The following PRKN variants were observed in gnomAD, a reference collection of about 807,000 sequenced individuals.
PRKN encodes the protein E3 ubiquitin-protein ligase parkin.
PRKN carries 56 observed loss-of-function variants against 59.5 expected under a neutral mutation model. That is an observed-to-expected ratio of 0.94 (90% CI 0.76 to 1.18). The LOEUF is 1.18. PRKN is among the 50% of genes most tolerant of loss of function. The pLI is 0.00. For missense variants in PRKN, 657 were observed against 596.4 expected (o/e 1.10, Z -1.06); for synonymous variants, 250 against 222.1 (o/e 1.13, Z -1.12).
rs7758341 is a variant in PRKN at position 161,503,608 on chromosome 6, C to T, written c.1083+45246G>A. Among the ~76,000 whole-genome samples the T allele has an allele frequency of 0.081, 12,330 of 152,128 alleles. 729 individuals are homozygous for T. Among genetic ancestry groups the T allele is most frequent in the African/African-American group, 0.16 (6,671 of 41,472 alleles). ...GACTGGACTGAGGGGGCTATGGGGG[C>T]GACCTAGTCTAGCTGGGTTCTAAGG... On this transcript the variant is annotated intron_variant, in intron 9 of 11. Coordinates refer to ENST00000366898, the MANE Select transcript of PRKN (RefSeq NM_004562.3). The surrounding 1 kb of genome is among the most constrained non-coding windows in gnomAD (Gnocchi z 5.1).
chr6:161,703,982 C>T (rs937020522), intron 7 of PRKN, among the ~76,000 whole-genome samples: 2 of 150,886 alleles, frequency 1.3e-5, no homozygotes, highest in African/African-American at 2.4e-5. Context: ...CAGCCTCCCA[C>T]GAATCTAGGA....
intron 5 of PRKN, among the ~76,000 whole-genome samples, chr6:162,019,318 G>C (rs1442107646): frequency 6.6e-6 from 1 of 152,134 alleles, no homozygotes; most frequent in East Asian, 1.9e-4. Flanking sequence ...ATAGCTGTTA[G>C]AGTGTCATTA....
chr6:162,019,822 C>T (rs1783066130), intron 5 of PRKN, among the ~76,000 whole-genome samples: 1 of 152,184 alleles, frequency 6.6e-6, no homozygotes. Flanking sequence ...AGCTCGAGAC[C>T]AGCCTGGCCA....
At chr6:162,377,818 C>A (rs1220047264) in intron 2 of PRKN, among the ~76,000 whole-genome samples, 2 of 152,150 alleles carry the variant, frequency 1.3e-5, no homozygotes, top group Admixed American at 1.3e-4. Flanking sequence ...TAGAGTTGAC[C>A]ATTGGAGCTT....
At chr6:162,218,846 T>A (rs551318200) in intron 3 of PRKN, among the ~76,000 whole-genome samples, 129 of 152,184 alleles carry the variant, frequency 8.5e-4, no homozygotes, top group African/African-American at 3.0e-3. Flanking sequence ...TCTTCTTACT[T>A]CTTTTCTGTT....
chr6:162,435,810 A>G lies in PRKN; in HGVS notation c.171+7500T>C, dbSNP rs76050923. Among the ~76,000 whole-genome samples the G allele has an allele frequency of 1.8e-4, 28 of 152,242 alleles. 1 individual carries two copies. In the East Asian group the frequency reaches 5.0e-3, roughly 27 times the overall value. On this transcript the variant is annotated intron_variant, in intron 2 of 11. Coordinates refer to ENST00000366898, the MANE Select transcript of PRKN (RefSeq NM_004562.3). ...TGACCAATCTCTTACACAGAAATAA[A>G]TCACTGCGTGACTGTGCTCTGGGTA...
intron 1 of PRKN, among the ~76,000 whole-genome samples, chr6:162,503,874 C>T (rs1360079746): frequency 2.6e-5 from 4 of 152,180 alleles, no homozygotes; most frequent in African/African-American, 4.8e-5. Context: ...GAACATCATG[C>T]TAATTCTAAG....
rs546829385 is a variant in PRKN at position 162,056,448 on chromosome 6, A to G, written c.535-2274T>C. Among the ~76,000 whole-genome samples the G allele has an allele frequency of 6.6e-6, 1 of 152,304 alleles. No individual in the cohort carries two copies. Among genetic ancestry groups the G allele is most frequent in the South Asian group, 2.1e-4 (1 of 4,824 alleles). ...GAGCAGTTCTCCAGGCCTGAGCCGT[A>G]CCTGAAAGAGACTGAGCCTTTTGAC... On this transcript the variant is annotated intron_variant, in intron 4 of 11. Transcript: ENST00000366898. This position sits in a 1 kb window ranked among gnomAD's most constrained non-coding sequence, Gnocchi z 4.9.
intron 1 of PRKN, among the ~76,000 whole-genome samples, chr6:162,509,622 C>CA (rs1364602455): frequency 6.6e-6 from 1 of 152,090 alleles, no homozygotes; most frequent in African/African-American, 2.4e-5. Context: ...TGACAATAGT[C>CA]AAATACCATC....
chr6:162,321,190 A>G (rs1783007086), intron 2 of PRKN, among the ~76,000 whole-genome samples: 1 of 151,910 alleles, frequency 6.6e-6, no homozygotes. Flanking sequence ...AAGAGAAGTG[A>G]CAACACTACA....
intron 6 of PRKN, among the ~76,000 whole-genome samples, chr6:161,906,659 C>CATGTATATATATATATATATAT (rs1778154692): frequency 8.6e-6 from 1 of 116,588 alleles, no homozygotes; most frequent in African/African-American, 3.5e-5. Context: ...ATAGAACATA[C>CATGTATATATATATATATATAT]ATATATATAT....
chr6:162,328,557 G>A (rs1344845644), intron 2 of PRKN, among the ~76,000 whole-genome samples: 1 of 152,114 alleles, frequency 6.6e-6, no homozygotes, highest in Non-Finnish European at 1.5e-5. Flanking sequence ...CCTATCTACG[G>A]GAGAAAAGAG....
intron 7 of PRKN, among the ~76,000 whole-genome samples, chr6:161,574,063 A>G (rs190860907): frequency 6.6e-6 from 1 of 152,066 alleles, no homozygotes; most frequent in East Asian, 1.9e-4. Flanking sequence ...GTTCAAAAAA[A>G]CAACAAACAA....
intron 1 of PRKN, among the ~76,000 whole-genome samples, chr6:162,659,115 T>C (rs1444489738): frequency 6.6e-6 from 1 of 152,194 alleles, no homozygotes; most frequent in Non-Finnish European, 1.5e-5. Flanking sequence ...TCATATATTA[T>C]GAATGTTAAA....
intron 10 of PRKN, among the ~76,000 whole-genome samples, chr6:161,366,982 C>CTTTTTTTTTTTTTTTTTTTT: frequency 1.1e-5 from 1 of 91,946 alleles, no homozygotes; most frequent in African/African-American, 4.3e-5. Flanking sequence ...TTTTTGTTTC[C>CTTTTTTTTTTTTTTTTTTTT]TTTTTTTTTT....
At chr6:162,102,384 T>C (rs1349144211) in intron 4 of PRKN, among the ~76,000 whole-genome samples, 2 of 152,228 alleles carry the variant, frequency 1.3e-5, no homozygotes, top group African/African-American at 2.4e-5. Context: ...CATTTGCATA[T>C]AGGAAAACAA....
At chr6:162,262,803 A>AC in intron 2 of PRKN, 38 bp from the exon 3 acceptor site, 1 of 1,547,864 alleles carries the variant, frequency 6.5e-7, no homozygotes, top group Non-Finnish European at 8.8e-7. Context: ...AAAAAAAAAA[A>AC]GGAAATGTCA....
chr6:161,817,309 C>A (rs927161299), intron 6 of PRKN, among the ~76,000 whole-genome samples: 2 of 152,210 alleles, frequency 1.3e-5, no homozygotes, highest in African/African-American at 4.8e-5. Flanking sequence ...GTGAGCCTCA[C>A]TGCAGAGCTA....
chr6:161,901,955 T>C (rs943444713), intron 6 of PRKN, among the ~76,000 whole-genome samples: 1 of 152,146 alleles, frequency 6.6e-6, no homozygotes, highest in African/African-American at 2.4e-5. Flanking sequence ...GCCAGCAGCC[T>C]AACCTGGCCT....
Sources: gnomAD v4.1 joint callset for allele counts (sites outside exome capture counted in the v4.1 genomes callset) on GRCh38, gnomAD v4.1.1 for gene constraint, Gnocchi (gnomAD v3.1) non-coding constraint, MANE v1.5 for transcripts, NCBI Gene and HGNC (gene_info 2026-07-23, HGNC 2026-07-21) for gene names.